The following CTNNA1 variants were observed in gnomAD, a reference collection of about 807,000 sequenced individuals.
CTNNA1 encodes catenin alpha-1.
In CTNNA1, 37 loss-of-function variants were observed where a neutral mutation model predicts 98.4. That is an observed-to-expected ratio of 0.38 (90% CI 0.29 to 0.49). The LOEUF (loss-of-function observed/expected upper bound fraction) is 0.49. CTNNA1 is among the 20% of genes least tolerant of loss of function. The probability of loss-of-function intolerance (pLI) is 0.95; values close to 1 mark genes in which losing one functional copy is unlikely to be tolerated. For missense variants in CTNNA1, 761 were observed against 1,147.2 expected, an observed-to-expected ratio of 0.66 and a Z score of 4.86; for synonymous variants, 404 against 413.2, an observed-to-expected ratio of 0.98 and a Z score of 0.27.
chr5:138,886,356 C>A (rs1221226546), intron 8 of CTNNA1, 64 bp downstream of exon 8: 1 of 1,495,696 alleles, frequency 6.7e-7, no homozygotes, highest in Non-Finnish European at 9.1e-7. Flanking sequence ...TGATTAAAAT[C>A]CTAATAAGCA....
intron 7 of CTNNA1, among the ~76,000 whole-genome samples, chr5:138,864,575 T>C (rs1764565412): frequency 6.6e-6 from 1 of 152,180 alleles, no homozygotes; most frequent in Admixed American, 6.5e-5. Flanking sequence ...AGTTAAGCTG[T>C]AAACTAAATT....
intron 9 of CTNNA1, among the ~76,000 whole-genome samples, chr5:138,896,366 G>A (rs958110029): frequency 4.6e-5 from 7 of 152,130 alleles, no homozygotes; most frequent in African/African-American, 1.4e-4. Flanking sequence ...CCAGTTCTGG[G>A]TCCTTATTTT....
intron 13 of CTNNA1, among the ~76,000 whole-genome samples, chr5:138,927,354 T>C (rs1348707384): frequency 6.6e-6 from 1 of 152,144 alleles, no homozygotes; most frequent in Non-Finnish European, 1.5e-5. Flanking sequence ...ACTCATGGGG[T>C]TCCAGGCAAG....
chr5:138,843,890 A>C (rs914156656), intron 7 of CTNNA1, among the ~76,000 whole-genome samples: 1 of 152,228 alleles, frequency 6.6e-6, no homozygotes, highest in South Asian at 2.1e-4. Context: ...GGATTCCCCC[A>C]AAAGGAGTCT....
intron 7 of CTNNA1, among the ~76,000 whole-genome samples, chr5:138,850,436 G>T (rs994972856): frequency 5.3e-5 from 8 of 152,092 alleles, no homozygotes; most frequent in African/African-American, 1.7e-4. Flanking sequence ...TAGTCTAGGT[G>T]CTCTGTTATT....
chr5:138,897,111 A>G (rs965856086), intron 9 of CTNNA1, among the ~76,000 whole-genome samples: 2 of 152,070 alleles, frequency 1.3e-5, no homozygotes, highest in African/African-American at 4.8e-5. Context: ...TTTCCCCGCT[A>G]CCACCAGTAA....
intron 1 of CTNNA1, chr5:138,754,112 G>C (rs372382991): frequency 6.6e-6 from 1 of 152,244 alleles, no homozygotes. Context: ...GGCCACACCC[G>C]TGTGGACTTT....
Position 138,857,853 on chromosome 5 carries a change from T to C in CTNNA1, c.1063-28359T>C, listed in dbSNP as rs77749200. Among the ~76,000 whole-genome samples, 45 of 152,362 alleles carry C rather than the reference T, an allele frequency of 3.0e-4. No individual in the cohort carries two copies. The East Asian group carries it at 7.7e-3, about 26-fold the overall frequency. On this transcript the variant is annotated intron_variant, in intron 7 of 17. Coordinates refer to ENST00000302763, the MANE Select transcript of CTNNA1 (RefSeq NM_001903.5). ...TAGTTGAAATTAATAGTATATTAGA[T>C]TGACAGTACCATAACTTACAATTGT...
chr5:138,872,945 G>A, intron 7 of CTNNA1: 1 of 1,174,658 alleles, frequency 8.5e-7, no homozygotes, highest in Non-Finnish European at 1.2e-6. Context: ...AATTAGATAT[G>A]TATTTAGCCT....
intron 1 of CTNNA1, among the ~76,000 whole-genome samples, chr5:138,775,881 C>G (rs1476725031): frequency 6.6e-6 from 1 of 151,168 alleles, no homozygotes; most frequent in African/African-American, 2.4e-5. Context: ...TGCCACCACA[C>G]CTGGCTAATT....
intron 13 of CTNNA1, among the ~76,000 whole-genome samples, chr5:138,926,575 G>C (rs1764097744): frequency 1.3e-5 from 2 of 151,930 alleles, no homozygotes; most frequent in Admixed American, 6.6e-5. Context: ...ATGTCTGTGT[G>C]CTCTACCTTC....
chr5:138,786,199 C>G (rs1755688784), intron 3 of CTNNA1, among the ~76,000 whole-genome samples: 1 of 152,122 alleles, frequency 6.6e-6, no homozygotes, highest in Admixed American at 6.5e-5. Context: ...AAAAAAGAGC[C>G]AAAACCAAAA....
chr5:138,764,223 G>A (rs953477858), intron 1 of CTNNA1, among the ~76,000 whole-genome samples: 47 of 151,562 alleles, frequency 3.1e-4, no homozygotes, highest in African/African-American at 1.0e-3. Context: ...ATAATTAGCC[G>A]GGCATGGTGG....
chr5:138,803,862 G>T (rs1484570052), intron 3 of CTNNA1, among the ~76,000 whole-genome samples: 1 of 152,120 alleles, frequency 6.6e-6, no homozygotes, highest in Non-Finnish European at 1.5e-5. Flanking sequence ...CCTGGAGCCC[G>T]GGATTTTTTC....
At chr5:138,903,552 C>T (rs909652331) in intron 9 of CTNNA1, among the ~76,000 whole-genome samples, 10 of 152,142 alleles carry the variant, frequency 6.6e-5, no homozygotes, top group African/African-American at 1.4e-4. Context: ...GCAGTCACTA[C>T]GCAGTAACAT....
intron 7 of CTNNA1, among the ~76,000 whole-genome samples, chr5:138,863,420 AT>A (rs897512127): frequency 3.3e-5 from 5 of 151,914 alleles, no homozygotes; most frequent in South Asian, 2.1e-4. Flanking sequence ...GTATACATGT[AT>A]TTTTTGTAGA....
chr5:138,768,719 G>T (rs1753210137), intron 1 of CTNNA1, among the ~76,000 whole-genome samples: 1 of 151,986 alleles, frequency 6.6e-6, no homozygotes, highest in Non-Finnish European at 1.5e-5. Flanking sequence ...GGGACTATTG[G>T]TGTAAGTCAC....
At chr5:138,801,496 G>A (rs1206059599) in intron 3 of CTNNA1, among the ~76,000 whole-genome samples, 2 of 152,094 alleles carry the variant, frequency 1.3e-5, no homozygotes, top group South Asian at 2.1e-4. Context: ...CAAAATCCAC[G>A]TATAAATAAA....
At chr5:138,781,865 T>A in intron 1 of CTNNA1, 58 bp from the exon 2 acceptor site, 1 of 1,477,498 alleles carries the variant, frequency 6.8e-7, no homozygotes, top group Non-Finnish European at 9.1e-7. Flanking sequence ...GAAGATTTGT[T>A]ACATATTTCA....
Sources: gnomAD v4.1 joint callset for allele counts (sites outside exome capture counted in the v4.1 genomes callset) on GRCh38, gnomAD v4.1.1 for gene constraint, MANE v1.5 for transcripts, NCBI Gene and HGNC (gene_info 2026-07-23, HGNC 2026-07-21) for gene names.